AP1B1: variants seen among roughly 807,000 people sequenced by gnomAD.
The protein encoded by AP1B1 is adaptor related protein complex 1 subunit beta 1, also known as AP-1 complex subunit beta-1.
AP1B1 carries 36 observed loss-of-function variants against 104.3 expected under a neutral mutation model. That is an observed-to-expected ratio of 0.35 (90% CI 0.26 to 0.46). AP1B1 has a LOEUF of 0.46. Ranked by LOEUF, AP1B1 falls within the 20% of genes least tolerant of loss-of-function variation. The pLI is 1.00. For synonymous variants in AP1B1, 504 were observed against 517.5 expected (o/e 0.97, Z 0.35); for missense variants, 901 against 1,247.9 (o/e 0.72, Z 4.19).
At chr22:29,362,245 C>T (rs1304586273) in intron 3 of AP1B1, among the ~76,000 whole-genome samples, 1 of 152,238 alleles carries the variant, frequency 6.6e-6, no homozygotes, top group Non-Finnish European at 1.5e-5. Context: ...TTAGAGAAAT[C>T]CAATCTGCAC....
Position 29,351,211 on chromosome 22 carries a change from T to C in AP1B1, c.1115A>G (p.Lys372Arg). ...GCAGCGGCCAATAGCACGCACAGCC[T>C]TCCGTACAAAGTCCACATCCACTTC... ...ATEVDVDFVR[K>R]AVRAIGRCAI... Residue 372 changes from lysine (K) to arginine (R), a missense_variant, in exon 9 of 23, where the codon AAG becomes AGG. Physicochemically the swap from Lys to Arg is conservative, Grantham distance 26 (BLOSUM62 2). Around this residue, in one of 3 missense-constraint regions of AP1B1, gnomAD observed 471 missense variants for 696.7 expected, o/e 0.68. Coordinates refer to ENST00000357586, the MANE Select transcript of AP1B1 (RefSeq NM_001127.4). The C allele has an allele frequency of 6.2e-7, 1 of 1,614,124 alleles. No homozygotes were observed.
chr22:29,382,720 CA>C (rs753048098), intron 1 of AP1B1, among the ~76,000 whole-genome samples: 33 of 152,040 alleles, frequency 2.2e-4, no homozygotes, highest in Non-Finnish European at 4.6e-4. Context: ...GCCTGCCAAG[CA>C]AAAGAGATCG....
intron 1 of AP1B1, among the ~76,000 whole-genome samples, chr22:29,380,616 C>T (rs2062421182): frequency 6.6e-6 from 1 of 152,160 alleles, no homozygotes; most frequent in Non-Finnish European, 1.5e-5. Context: ...TCACTCTTAA[C>T]AACATACTCT....
chr22:29,339,808 G>A (rs745837226), intron 14 of AP1B1, 34 bp from the exon 15 acceptor site: 111 of 1,597,632 alleles, frequency 6.9e-5, no homozygotes, highest in Middle Eastern at 1.6e-4. Flanking sequence ...AAGAGAACAG[G>A]CAGCCACATG....
At chr22:29,376,062 G>A (rs2062336183) in intron 1 of AP1B1, among the ~76,000 whole-genome samples, 1 of 152,206 alleles carries the variant, frequency 6.6e-6, no homozygotes, top group Non-Finnish European at 1.5e-5. Flanking sequence ...CAAACACGAG[G>A]AAGTAGAGTA....
chr22:29,351,358 G>A (rs754673347), intron 8 of AP1B1, 92 bp from the exon 9 acceptor site: 22 of 1,366,008 alleles, frequency 1.6e-5, no homozygotes, highest in Non-Finnish European at 1.8e-5. Context: ...AGACTCCCTA[G>A]GAGAATGGGA....
intron 13 of AP1B1, 58 bp downstream of exon 13, chr22:29,341,443 C>T (rs1424691634): frequency 6.4e-7 from 1 of 1,574,798 alleles, no homozygotes; most frequent in African/African-American, 1.3e-5. Context: ...AGTGCCTGTG[C>T]TGCTAAACTG....
intron 1 of AP1B1, among the ~76,000 whole-genome samples, chr22:29,379,841 G>C (rs1250110171): frequency 1.3e-5 from 2 of 152,202 alleles, no homozygotes; most frequent in East Asian, 3.8e-4. Flanking sequence ...ATCAACACTA[G>C]CTGGGGAACG....
Position 29,350,117 on chromosome 22 carries a change from C to A in AP1B1, c.1189G>T (p.Asp397Tyr). ...SAERCVSTLL[D>Y]LIQTKVNYVV... ...TAGTTGACCTTGGTCTGGATGAGGTCGAGCAGCGTGCTCACACAGCGCTCC... is the reference window on the plus strand; with the variant it reads ...TAGTTGACCTTGGTCTGGATGAGGTAGAGCAGCGTGCTCACACAGCGCTCC... The change falls in exon 10 of 23, where the codon GAC becomes TAC. Residue 397 changes from aspartate (D) to tyrosine (Y), a missense_variant. Asp to Tyr is a radical substitution (Grantham distance 160). Coordinates refer to ENST00000357586, the MANE Select transcript of AP1B1 (RefSeq NM_001127.4). The A allele has an allele frequency of 1.2e-6, 2 of 1,614,174 alleles. No individual in the cohort carries two copies. The highest frequency in any genetic ancestry group is 1.7e-6 in the Non-Finnish European group (2 of 1,180,018).
At chr22:29,351,989 G>A (rs966031346) in intron 7 of AP1B1, among the ~76,000 whole-genome samples, 164 bp from the exon 8 acceptor site, 1 of 152,252 alleles carries the variant, frequency 6.6e-6, no homozygotes, top group African/African-American at 2.4e-5. Flanking sequence ...AGAGGGCCCA[G>A]CAACCGGCCT....
rs2061876027 is a variant in AP1B1 at position 29,351,629 on chromosome 22, G to A, written c.1059+76C>T. 2.5e-6 allele frequency: 4 copies of A among 1,570,462 alleles called. No homozygotes were observed. In the South Asian group the frequency reaches 4.7e-5, roughly 18 times the overall value. On this transcript the variant is annotated intron_variant, in intron 8 of 22. Transcript: ENST00000357586. The stretch of plus-strand genomic sequence containing the variant: ...CGTTAATGGTGAGACTGGTCACCTG[G>A]GCCAGAGCCTACAGTCTGGTGGTGG...
At chr22:29,355,792 T>C (rs1009377221) in intron 6 of AP1B1, among the ~76,000 whole-genome samples, 3 of 144,530 alleles carry the variant, frequency 2.1e-5, no homozygotes, top group Non-Finnish European at 4.5e-5. Context: ...CCCAGCTACC[T>C]GGGAGAATTG....
intron 2 of AP1B1, among the ~76,000 whole-genome samples, chr22:29,363,423 G>A (rs1279945574): frequency 6.6e-6 from 1 of 152,216 alleles, no homozygotes; most frequent in African/African-American, 2.4e-5. Flanking sequence ...TCCGAGGCAG[G>A]CGGATCACGA....
rs758050378 is a variant in AP1B1, at chr22:29,359,849, A to G, written c.254T>C (p.Ile85Thr). The G allele has an allele frequency of 6.2e-7, 1 of 1,613,922 alleles. No individual in the cohort carries two copies. The highest frequency in any genetic ancestry group is 8.5e-7 in the Non-Finnish European group (1 of 1,179,956). ...CTTCACAAAGGTGTTGACGGCCATAATGGCCATGTCAGGCTGACTCTTGGC... is the reference window on the plus strand; with the variant it reads ...CTTCACAAAGGTGTTGACGGCCATAGTGGCCATGTCAGGCTGACTCTTGGC... Reference protein sequence around the residue: ...NYAKSQPDMAIMAVNTFVKDC... With the variant: ...NYAKSQPDMATMAVNTFVKDC... The change falls in exon 4 of 23, where the codon ATT becomes ACT. Residue 85 changes from isoleucine (I) to threonine (T), a missense_variant. Around this residue, in one of 3 missense-constraint regions of AP1B1, gnomAD observed 471 missense variants for 696.7 expected, o/e 0.68. Coordinates refer to ENST00000357586, the MANE Select transcript of AP1B1 (RefSeq NM_001127.4).
At chr22:29,372,371 G>A (rs760205262) in intron 1 of AP1B1, among the ~76,000 whole-genome samples, 13 of 150,626 alleles carry the variant, frequency 8.6e-5, no homozygotes, top group Non-Finnish European at 1.6e-4. Context: ...TTGCAGTGAG[G>A]TGAGATCGCA....
At chr22:29,346,911 C>T (rs997340630) in intron 11 of AP1B1, among the ~76,000 whole-genome samples, 2 of 152,202 alleles carry the variant, frequency 1.3e-5, no homozygotes, top group African/African-American at 4.8e-5. Flanking sequence ...TCCTTCAGAG[C>T]CTCGCCCTTC....
intron 16 of AP1B1, among the ~76,000 whole-genome samples, chr22:29,336,979 A>G (rs2061647113): frequency 6.6e-6 from 1 of 152,060 alleles, no homozygotes. Context: ...TGCCTGTGAT[A>G]TTGGGCTTCT....
chr22:29,355,079 A>G (rs1187456054), intron 6 of AP1B1, among the ~76,000 whole-genome samples: 1 of 152,086 alleles, frequency 6.6e-6, no homozygotes, highest in Non-Finnish European at 1.5e-5. Flanking sequence ...CTACCAAAAA[A>G]TATAAAAATT....
chr22:29,354,562 C>T, intron 7 of AP1B1, 88 bp downstream of exon 7: 1 of 1,266,984 alleles, frequency 7.9e-7, no homozygotes, highest in Non-Finnish European at 1.1e-6. Flanking sequence ...TGCATGGTGA[C>T]AGGTCAGTTT....
Sources: gnomAD v4.1 joint callset for allele counts (sites outside exome capture counted in the v4.1 genomes callset) on GRCh38, gnomAD v4.1.1 for gene constraint, gnomAD v4.1.1 regional missense constraint, MANE v1.5 for transcripts, NCBI Gene and HGNC (gene_info 2026-07-23, HGNC 2026-07-21) for gene names.